The following PPT2 variants were observed in gnomAD, a reference collection of about 807,000 sequenced individuals.
The protein encoded by PPT2 is palmitoyl-protein thioesterase 2.
PPT2 carries 20 observed loss-of-function variants against 37.3 expected under a neutral mutation model. The observed-to-expected ratio is 0.54, with a 90% CI of 0.38 to 0.78. PPT2 has a LOEUF of 0.78. PPT2 is among the 30% of genes least tolerant of loss of function. PPT2 has a pLI of 0.00. For missense variants in PPT2, 270 were observed against 389.8 expected, an observed-to-expected ratio of 0.69 and a Z score of 2.59; for synonymous variants, 135 against 159.1, an observed-to-expected ratio of 0.85 and a Z score of 1.14.
Position 32,154,707 on chromosome 6 carries a change from C to A in PPT2, c.113C>A (p.Pro38Gln), listed in dbSNP as rs1369320392. The change falls in exon 2 of 9, where the codon CCG (proline) becomes CAG (glutamine). Residue 38 changes from proline to glutamine, a missense_variant. Coordinates refer to ENST00000324816, the MANE Select transcript of PPT2 (RefSeq NM_005155.7). The surrounding 1 kb of genome is among the most constrained non-coding windows in gnomAD (Gnocchi z 7.3). Reference sequence around the variant, plus strand: ...GCGCCCCACCGCGCGTCCTACAAGCCGGTCATCGTGGTGCATGGGCTCTTC... The same window carrying A: ...GCGCCCCACCGCGCGTCCTACAAGCAGGTCATCGTGGTGCATGGGCTCTTC... ...APAPHRASYKPVIVVHGLFDS... is the reference protein window; with the variant it reads ...APAPHRASYKQVIVVHGLFDS... 1 of 1,613,182 alleles carries A rather than the reference C, an allele frequency of 6.2e-7. No homozygotes were observed. The highest frequency in any genetic ancestry group is 8.5e-7 in the Non-Finnish European group (1 of 1,180,026).
At position 32,154,173 on chromosome 6, in the gene PPT2, C is replaced by T. The variant is rs1327267343; in HGVS notation, c.-240C>T. ...CCCTGCGCTCTCTTTCCTCACCCTT[C>T]CCCCCGCCACCGTGGGTTCCAGACT... On this transcript the variant is annotated 5_prime_UTR_variant, in exon 1 of 9. Coordinates refer to ENST00000324816, the MANE Select transcript of PPT2 (RefSeq NM_005155.7). The surrounding 1 kb of genome is among the most constrained non-coding windows in gnomAD (Gnocchi z 7.3). The T allele has an allele frequency of 5.5e-6, 6 of 1,100,052 alleles. No individual in the cohort carries two copies. The highest frequency in any genetic ancestry group is 6.6e-6 in the Non-Finnish European group (6 of 902,302). 68.1% of individuals were successfully genotyped at this position (1,100,052 alleles called of 1,614,324 possible).
chr6:32,160,777 C>T (rs1361247685), intron 7 of PPT2, among the ~76,000 whole-genome samples: 1 of 151,912 alleles, frequency 6.6e-6, no homozygotes, highest in East Asian at 1.9e-4. Flanking sequence ...GGCATGAGCC[C>T]AGGGGTTTGA....
In PPT2 at chr6:32,155,048, G is replaced by A; in HGVS notation, c.202G>A (p.Val68Met). The stretch of plus-strand genomic sequence containing the variant: ...CCCACAGACACACCCCGGGACTGTG[G>A]TGACAGTGCTCGATCTCTTCGATGG... The part of the protein sequence containing the change: ...YINETHPGTV[V>M]TVLDLFDGRE... Residue 68 changes from valine to methionine, a missense_variant, in exon 3 of 9, where the codon GTG (valine) becomes ATG (methionine). Coordinates refer to ENST00000324816, the MANE Select transcript of PPT2 (RefSeq NM_005155.7). The surrounding 1 kb of genome is among the most constrained non-coding windows in gnomAD (Gnocchi z 4.3). The A allele has an allele frequency of 6.2e-7, 1 of 1,613,076 alleles. No homozygotes were observed. The highest frequency in any genetic ancestry group is 8.5e-7 in the Non-Finnish European group (1 of 1,180,010).
Position 32,162,760 on chromosome 6 carries a change from C to T in PPT2, c.766-47C>T. ...CCAGCAGTAACTCACTTTGTCTCTC[C>T]TTGTGTCTCTCTTCCATGCTTCCAC... is the stretch of plus-strand genomic sequence containing the variant. On this transcript the variant is annotated intron_variant, in intron 8 of 8. Coordinates refer to ENST00000324816, the MANE Select transcript of PPT2 (RefSeq NM_005155.7). The surrounding 1 kb of genome is among the most constrained non-coding windows in gnomAD (Gnocchi z 5.5). 1.2e-6 allele frequency: 2 copies of T among 1,606,002 alleles called. No homozygotes were observed. The highest frequency in any genetic ancestry group is 1.7e-6 in the Non-Finnish European group (2 of 1,173,824).
chr6:32,162,618 A>T lies in PPT2; in HGVS notation c.761A>T (p.Gln254Leu). The T allele has an allele frequency of 6.2e-7, 1 of 1,607,378 alleles. No homozygotes were observed. Among genetic ancestry groups the T allele is most frequent in the Non-Finnish European group, 8.5e-7 (1 of 1,173,888 alleles). ...ANETVLEMEE[Q>L]LVYLRDSFGL... ...GAGACCGTCCTGGAGATGGAGGAGC[A>T]ACTGGTGAGCCCCCTGGGATTACTT... Residue 254 changes from glutamine (Q) to leucine (L), a missense_variant, in exon 8 of 9, where the codon CAA becomes CTA. Gln to Leu is a moderately radical substitution (Grantham distance 113, BLOSUM62 -2). Coordinates refer to ENST00000324816, the MANE Select transcript of PPT2 (RefSeq NM_005155.7). The surrounding 1 kb of genome is among the most constrained non-coding windows in gnomAD (Gnocchi z 5.5).
At position 32,154,150 on chromosome 6, in the gene PPT2, C is replaced by T. The variant is rs1783557388; in HGVS notation, c.-263C>T. On this transcript the variant is annotated 5_prime_UTR_variant, in exon 1 of 9. Transcript: ENST00000324816. The surrounding 1 kb of genome is among the most constrained non-coding windows in gnomAD (Gnocchi z 7.3). ...CTTCCCCCTCCCATCCGTCATTCCC[C>T]TGCGCTCTCTTTCCTCACCCTTCCC... The T allele has an allele frequency of 9.1e-7, 1 of 1,097,184 alleles. No individual in the cohort carries two copies. Among genetic ancestry groups the T allele is most frequent in the South Asian group, 3.4e-5 (1 of 29,228 alleles). The allele number at this position is 1,097,184 out of a possible 1,614,324, so 68.0% of individuals were successfully genotyped here. A position where few individuals can be genotyped will look rare whatever the true frequency, so the allele number is the denominator to read the frequency against.
chr6:32,159,455 T>A (rs41268908), intron 7 of PPT2, among the ~76,000 whole-genome samples: 29,730 of 74,620 alleles, frequency 0.4, 4,860 homozygotes, highest in East Asian at 0.55. Flanking sequence ...AAAAAAAATA[T>A]ATATATATAT....
In PPT2 at chr6:32,155,619, G is replaced by A. The variant is rs201676427; in HGVS notation, c.338-69G>A. 1.1e-6 allele frequency: 1 copy of A among 886,096 alleles called. No homozygotes were observed. Among genetic ancestry groups the A allele is most frequent in the Non-Finnish European group, 1.8e-6 (1 of 558,020 alleles). 54.9% of individuals were successfully genotyped at this position (886,096 alleles called of 1,614,324 possible). On this transcript the variant is annotated intron_variant, in intron 3 of 8. Transcript: ENST00000324816. This position sits in a 1 kb window ranked among gnomAD's most constrained non-coding sequence, Gnocchi z 4.3. ...GTGTGTGTGTGTGTGTGTGTGTGTG[G>A]TGGGGGTGGGGGGTGCTGCTGGCTT...
At chr6:32,161,109 TAC>T in intron 7 of PPT2, among the ~76,000 whole-genome samples, 1 of 151,512 alleles carries the variant, frequency 6.6e-6, no homozygotes, top group East Asian at 1.9e-4. Context: ...TAAATATATA[TAC>T]ATTTATTTAT....
At chr6:32,160,614 C>T (rs992459656) in intron 7 of PPT2, among the ~76,000 whole-genome samples, 4 of 151,494 alleles carry the variant, frequency 2.6e-5, no homozygotes, top group South Asian at 4.2e-4. Context: ...TGCAATGAGC[C>T]GACAGGGTGC....
chr6:32,161,288 TTTTG>T (rs567817701), intron 7 of PPT2, among the ~76,000 whole-genome samples: 39 of 152,130 alleles, frequency 2.6e-4, no homozygotes, highest in South Asian at 1.2e-3. Context: ...TTTAGTATCT[TTTTG>T]TTTGTTTGTT....
chr6:32,153,606 G>T, upstream of PPT2: 1 of 1,601,340 alleles, frequency 6.2e-7, no homozygotes, highest in South Asian at 1.1e-5. The surrounding 1 kb of genome is among the most constrained non-coding windows in gnomAD (Gnocchi z 4.4). Context: ...CTGGAGACAA[G>T]GGCACTACAC....
Position 32,155,053 on chromosome 6 carries a change from A to C in PPT2, c.207A>C (p.Thr69=). ...AGACACACCCCGGGACTGTGGTGAC[A>C]GTGCTCGATCTCTTCGATGGGAGAG... ...INETHPGTVV[T]VLDLFDGRES... Residue 69 remains threonine (T), a synonymous_variant, in exon 3 of 9, where the codon ACA becomes ACC. Transcript: ENST00000324816. The surrounding 1 kb of genome is among the most constrained non-coding windows in gnomAD (Gnocchi z 4.3). 6.2e-7 allele frequency: 1 copy of C among 1,613,080 alleles called. No homozygotes were observed. Among genetic ancestry groups the C allele is most frequent in the Non-Finnish European group, 8.5e-7 (1 of 1,180,000 alleles).
rs1187135881 is a variant in PPT2 at position 32,157,943 on chromosome 6, G to A, written c.710+19G>A. ...AGTCCAGGTAATAAGGGATTTTGTG[G>A]CCTGAAGATTGGCTAAAGACATCCC... On this transcript the variant is annotated intron_variant, in intron 7 of 8. Coordinates refer to ENST00000324816, the MANE Select transcript of PPT2 (RefSeq NM_005155.7). 1 of 1,589,710 alleles carries A rather than the reference G, an allele frequency of 6.3e-7. No individual in the cohort carries two copies. The highest frequency in any genetic ancestry group is 1.1e-5 in the South Asian group (1 of 89,878).
At chr6:32,160,615 G>A (rs1434214425) in intron 7 of PPT2, among the ~76,000 whole-genome samples, 3 of 151,720 alleles carry the variant, frequency 2.0e-5, no homozygotes, top group South Asian at 2.1e-4. Context: ...GCAATGAGCC[G>A]ACAGGGTGCC....
At position 32,163,435 on chromosome 6, in the gene PPT2, C is replaced by T. The variant is rs1460691334; in HGVS notation, c.*485C>T. 1 of 163,738 alleles carries T rather than the reference C, an allele frequency of 6.1e-6. No homozygotes were observed. The highest frequency in any genetic ancestry group is 2.4e-5 in the African/African-American group (1 of 41,602). 10.1% of individuals were successfully genotyped at this position (163,738 alleles called of 1,614,324 possible). A position where few individuals can be genotyped will look rare whatever the true frequency, so the allele number is the denominator to read the frequency against. ...CCTCCCAACTCCTAAGAGGGACTACCCATGAGAGTGGGGTTCTGAGGCTCC... is the reference window on the plus strand; with the variant it reads ...CCTCCCAACTCCTAAGAGGGACTACTCATGAGAGTGGGGTTCTGAGGCTCC... On this transcript the variant is annotated 3_prime_UTR_variant, in exon 9 of 9. Transcript: ENST00000324816.
Position 32,155,846 on chromosome 6 carries a change from C to T in PPT2, c.434-25C>T. 1.9e-6 allele frequency: 3 copies of T among 1,611,774 alleles called. No homozygotes were observed. On this transcript the variant is annotated intron_variant, in intron 4 of 8. Transcript: ENST00000324816. The surrounding 1 kb of genome is among the most constrained non-coding windows in gnomAD (Gnocchi z 4.3). ...TTGGGGGAACAGAGGTTTATGGTCA[C>T]TTAGCATTGCCATTCGCTTGCCAGA...
chr6:32,163,106 C>T lies in PPT2; in HGVS notation c.*156C>T, dbSNP rs1784275316. On this transcript the variant is annotated 3_prime_UTR_variant, in exon 9 of 9. Transcript: ENST00000324816. Reference sequence around the variant, plus strand: ...GACGGGGTTTTAGTAGAGACTTGGCCTCCCAGAACCCCCTTCCTCTGCTCC... The same window carrying T: ...GACGGGGTTTTAGTAGAGACTTGGCTTCCCAGAACCCCCTTCCTCTGCTCC... 1 of 817,108 alleles carries T rather than the reference C, an allele frequency of 1.2e-6. No individual in the cohort carries two copies. Among genetic ancestry groups the T allele is most frequent in the Non-Finnish European group, 1.9e-6 (1 of 529,042 alleles). 50.6% of individuals were successfully genotyped at this position (817,108 alleles called of 1,614,324 possible).
Position 32,154,885 on chromosome 6 carries a change from G to A in PPT2, c.183+108G>A. Reference sequence around the variant, plus strand: ...CCTCTGGGCCTGCCCAGTTCCTCAGGGAGCTGGTGCTGGCGTGGGGGAGAG... The same window carrying A: ...CCTCTGGGCCTGCCCAGTTCCTCAGAGAGCTGGTGCTGGCGTGGGGGAGAG... On this transcript the variant is annotated intron_variant, in intron 2 of 8. Transcript: ENST00000324816. The surrounding 1 kb of genome is among the most constrained non-coding windows in gnomAD (Gnocchi z 7.3). 6.5e-7 allele frequency: 1 copy of A among 1,528,154 alleles called. No homozygotes were observed. The highest frequency in any genetic ancestry group is 8.9e-7 in the Non-Finnish European group (1 of 1,123,670). 94.7% of individuals were successfully genotyped at this position (1,528,154 alleles called of 1,614,324 possible). A position where few individuals can be genotyped will look rare whatever the true frequency, so the allele number is the denominator to read the frequency against.
Sources: gnomAD v4.1 joint callset for allele counts (sites outside exome capture counted in the v4.1 genomes callset) on GRCh38, gnomAD v4.1.1 for gene constraint, Gnocchi (gnomAD v3.1) non-coding constraint, MANE v1.5 for transcripts, NCBI Gene and HGNC (gene_info 2026-07-23, HGNC 2026-07-21) for gene names.